GPHN: variants seen among roughly 807,000 people sequenced by gnomAD.
GPHN encodes the protein gephyrin.
In GPHN, 17 loss-of-function variants were observed where a neutral mutation model predicts 95.5. The ratio of observed to expected loss-of-function variants is 0.18; its 90% CI spans 0.12 to 0.27. The LOEUF is 0.27. Ranked by LOEUF, GPHN falls within the 10% of genes least tolerant of loss-of-function variation. The probability of loss-of-function intolerance (pLI) is 1.00; values close to 1 mark genes in which losing one functional copy is unlikely to be tolerated. For synonymous variants in GPHN, 320 were observed against 322.5 expected, an observed-to-expected ratio of 0.99 and a Z score of 0.08; for missense variants, 660 against 978.1, an observed-to-expected ratio of 0.67 and a Z score of 4.34.
intron 2 of GPHN, among the ~76,000 whole-genome samples, chr14:66,696,532 G>A (rs1026588952): frequency 9.9e-5 from 15 of 152,200 alleles, no homozygotes; most frequent in African/African-American, 3.4e-4. Context: ...CTGACAAATA[G>A]CTTCAACAAA....
the GPHN span, chr14:67,690,427 G>A: frequency 6.2e-7 from 1 of 1,612,812 alleles, no homozygotes; most frequent in Non-Finnish European, 8.5e-7. Flanking sequence ...GTGACCTGTT[G>A]AGAAATACTA....
chr14:67,634,430 CA>C, the GPHN span, among the ~76,000 whole-genome samples: 1,663 of 114,466 alleles, frequency 0.015, 34 homozygotes, highest in East Asian at 0.098. Context: ...CTATCTCTAC[CA>C]AAAAAAAAAA....
chr14:66,870,463 C>A (rs917317907), intron 4 of GPHN, among the ~76,000 whole-genome samples: 3 of 152,160 alleles, frequency 2.0e-5, no homozygotes, highest in African/African-American at 7.2e-5. Flanking sequence ...CCCTGCAGAA[C>A]CCCTAACTAC....
intron 1 of GPHN, among the ~76,000 whole-genome samples, chr14:66,668,641 G>C (rs1330016433): frequency 6.6e-6 from 1 of 152,102 alleles, no homozygotes; most frequent in African/African-American, 2.4e-5. Context: ...GAGGGTAGAA[G>C]GTGGGACGAG....
At chr14:67,663,421 C>A in the GPHN span, among the ~76,000 whole-genome samples, 4 of 152,014 alleles carry the variant, frequency 2.6e-5, no homozygotes, top group South Asian at 8.3e-4. Context: ...CGCCTGTAAT[C>A]CCAGCAATTT....
Position 66,869,372 on chromosome 14 carries a change from T to C in GPHN, c.295-10567T>C, listed in dbSNP as rs575387845. On this transcript the variant is annotated intron_variant, in intron 4 of 22. Coordinates refer to ENST00000478722, the MANE Select transcript of GPHN (RefSeq NM_020806.5). ...TTTCTAATAAACAGGTATCTTTCTC[T>C]TGTTATATTTGTAATTAAGTTTTAT... Among the ~76,000 whole-genome samples the C allele has an allele frequency of 4.6e-5, 7 of 152,348 alleles. No individual in the cohort carries two copies. In the East Asian group the frequency reaches 1.3e-3, roughly 29 times the overall value.
intron 1 of GPHN, among the ~76,000 whole-genome samples, chr14:66,554,590 C>A (rs2059938219): frequency 6.6e-6 from 1 of 152,150 alleles, no homozygotes; most frequent in Non-Finnish European, 1.5e-5. Context: ...CATTCGCTAT[C>A]ACAAGTACAG....
chr14:67,200,456 T>C, the GPHN span: 1 of 426,732 alleles, frequency 2.3e-6, no homozygotes, highest in Admixed American at 4.6e-5. Context: ...CATTCCCCTT[T>C]TTAATGTAAC....
downstream of GPHN, among the ~76,000 whole-genome samples, chr14:67,182,176 G>A (rs1021216102): frequency 2.0e-5 from 3 of 152,112 alleles, no homozygotes; most frequent in African/African-American, 7.2e-5. Context: ...AAAAAAATAA[G>A]CAATGAAACA....
chr14:67,071,715 C>CTGA (rs754183309), intron 11 of GPHN, among the ~76,000 whole-genome samples: 8 of 152,042 alleles, frequency 5.3e-5, no homozygotes, highest in Non-Finnish European at 8.8e-5. Flanking sequence ...ATCAGGTAGA[C>CTGA]TGATCTTCCT....
the GPHN span, among the ~76,000 whole-genome samples, chr14:67,542,320 G>C: frequency 6.6e-6 from 1 of 152,260 alleles, no homozygotes; most frequent in South Asian, 2.1e-4. Flanking sequence ...GGGGAAGGAC[G>C]GTGTTTCGGG....
chr14:66,858,253 A>C (rs2062879109), intron 4 of GPHN, among the ~76,000 whole-genome samples: 1 of 151,662 alleles, frequency 6.6e-6, no homozygotes, highest in Admixed American at 6.6e-5. Context: ...TCACAGCTCC[A>C]AAAGAGACCC....
At chr14:66,619,503 C>A (rs1274374257) in intron 1 of GPHN, among the ~76,000 whole-genome samples, 1 of 142,520 alleles carries the variant, frequency 7.0e-6, no homozygotes, top group African/African-American at 2.7e-5. Flanking sequence ...TTTTTTTTTA[C>A]CATATGTATA....
At chr14:67,472,533 G>C in the GPHN span, 1 of 152,418 alleles carries the variant, frequency 6.6e-6, no homozygotes, top group Admixed American at 6.5e-5. Flanking sequence ...CGGGGGTAGG[G>C]AGGTGTAACT....
chr14:67,616,226 TTTTG>T, the GPHN span: 40 of 212,432 alleles, frequency 1.9e-4, no homozygotes, highest in East Asian at 2.0e-3. Flanking sequence ...CTTTTTTTTT[TTTTG>T]TACAGTTAAC....
At chr14:67,273,474 A>G in the GPHN span, among the ~76,000 whole-genome samples, 1,603 of 152,282 alleles carry the variant, frequency 0.011, 26 homozygotes, top group African/African-American at 0.036. Context: ...ATGGCTGCAT[A>G]GTATTCCATG....
At chr14:66,868,331 A>AT (rs986593636) in intron 4 of GPHN, among the ~76,000 whole-genome samples, 2 of 152,102 alleles carry the variant, frequency 1.3e-5, no homozygotes, top group African/African-American at 4.8e-5. Context: ...ATACTAAGTG[A>AT]TTTTTCACAG....
intron 1 of GPHN, among the ~76,000 whole-genome samples, chr14:66,668,963 C>A (rs1032890833): frequency 1.3e-5 from 2 of 151,372 alleles, no homozygotes; most frequent in African/African-American, 4.9e-5. Context: ...TCCCTGCAAC[C>A]TCTGCCTCCC....
At chr14:67,214,828 C>G in the GPHN span, among the ~76,000 whole-genome samples, 1 of 152,010 alleles carries the variant, frequency 6.6e-6, no homozygotes, top group African/African-American at 2.4e-5. Context: ...TATTTGTATC[C>G]TCTTTGATTT....
Sources: allele counts gnomAD v4.1 joint callset (sites outside exome capture counted in the v4.1 genomes callset), GRCh38; gene constraint gnomAD v4.1.1; transcripts MANE v1.5; gene names NCBI Gene and HGNC (gene_info 2026-07-23, HGNC 2026-07-21).